The following NHS variants were observed in gnomAD, a reference collection of about 807,000 sequenced individuals.
NHS encodes the protein NHS actin remodeling regulator.
NHS carries 5 observed loss-of-function variants against 72.5 expected under a neutral mutation model. The ratio of observed to expected loss-of-function variants is 0.07; its 90% CI spans 0.04 to 0.14. The LOEUF is 0.14. NHS is among the 10% of genes least tolerant of loss of function. The pLI is 1.00. For synonymous variants in NHS, 464 were observed against 547.7 expected (o/e 0.85, Z 2.13); for missense variants, 1,072 against 1,355.7 (o/e 0.79, Z 3.29).
chrX:17,601,571 T>G (rs2065649643), intron 1 of NHS, among the ~76,000 whole-genome samples: 1 of 111,526 alleles, frequency 9.0e-6, no homozygotes, highest in African/African-American at 3.3e-5. Context: ...AAAACTTATG[T>G]AACTGTTGGA....
rs760998103 is a variant in NHS at position 17,679,862 on chromosome X, G to A, written c.566-7880G>A. On this transcript the variant is annotated intron_variant, in intron 1 of 8. Coordinates refer to ENST00000676302, the MANE Select transcript of NHS (RefSeq NM_001291867.2). ...TATCTTTAACCAGAATGAAGAAAGG[G>A]GGGGGGGGTGTGCGTTTCCACTGCT... Among the ~76,000 whole-genome samples the A allele has an allele frequency of 7.1e-5, 7 of 98,035 alleles. No individual in the cohort carries two copies. The South Asian group carries it at 2.7e-3, about 37-fold the overall frequency. The allele number at this position is 98,035 out of a possible 115,157, so 85.1% of individuals were successfully genotyped here. A position where few individuals can be genotyped will look rare whatever the true frequency, so the allele number is the denominator to read the frequency against.
chrX:17,695,254 A>G (rs1159647557), intron 3 of NHS, among the ~76,000 whole-genome samples: 1 of 112,222 alleles, frequency 8.9e-6, no homozygotes, highest in East Asian at 2.8e-4. Context: ...CAGTGTATGC[A>G]AAGATTTATT....
intron 1 of NHS, among the ~76,000 whole-genome samples, chrX:17,389,288 G>C (rs759421125): frequency 8.9e-6 from 1 of 111,943 alleles, no homozygotes; most frequent in Admixed American, 9.5e-5. Flanking sequence ...AGCAGTATTT[G>C]AACTCTGATA....
rs182848859 is a variant in NHS at position 17,682,155 on chromosome X, C to T, written c.566-5587C>T. Among the ~76,000 whole-genome samples the T allele has an allele frequency of 1.2e-4, 13 of 110,980 alleles. No individual in the cohort carries two copies. The Middle Eastern group carries it at 0.018, about 157-fold the overall frequency. On this transcript the variant is annotated intron_variant, in intron 1 of 8. Transcript: ENST00000676302. ...TGGTTACCGAGGAAGAAAGGGCAGG[C>T]AGGAATAAATGGGTTCACTTGGTGA...
chrX:17,537,848 C>G (rs867983525), intron 1 of NHS, among the ~76,000 whole-genome samples: 20 of 111,695 alleles, frequency 1.8e-4, no homozygotes, highest in African/African-American at 3.9e-4. Flanking sequence ...AGACAATGCC[C>G]GACTGGAGGC....
chrX:17,621,737 GC>G (rs1397374897), intron 1 of NHS, among the ~76,000 whole-genome samples: 2 of 110,667 alleles, frequency 1.8e-5, no homozygotes, highest in African/African-American at 6.6e-5. Flanking sequence ...TAGGAAATGA[GC>G]CCCCCAGGTA....
intron 1 of NHS, among the ~76,000 whole-genome samples, chrX:17,561,328 G>T (rs1026349192): frequency 9.0e-6 from 1 of 111,226 alleles, no homozygotes; most frequent in South Asian, 3.8e-4. Flanking sequence ...ATCCCTACAA[G>T]TCTTGCCCCT....
intron 3 of NHS, among the ~76,000 whole-genome samples, chrX:17,708,331 C>T (rs867277639): frequency 8.1e-5 from 9 of 111,709 alleles, no homozygotes; most frequent in African/African-American, 1.6e-4. Flanking sequence ...ATCCTTTGCA[C>T]GGACCATAGA....
At chrX:17,682,539 G>A (rs776337159) in intron 1 of NHS, among the ~76,000 whole-genome samples, 250 of 111,336 alleles carry the variant, frequency 2.2e-3, no homozygotes, top group African/African-American at 7.6e-3. Flanking sequence ...CTCTGAGAAC[G>A]TTTAAAAATT....
In NHS at chrX:17,732,854, G is replaced by A; in HGVS notation, c.*390G>A. ...GAAGATGAAATTACTCTGGATGTTTGGTATTTTTTTACATTAAAACAAACT... is the reference window on the plus strand; with the variant it reads ...GAAGATGAAATTACTCTGGATGTTTAGTATTTTTTTACATTAAAACAAACT... On this transcript the variant is annotated 3_prime_UTR_variant, in exon 9 of 9. Coordinates refer to ENST00000676302, the MANE Select transcript of NHS (RefSeq NM_001291867.2). 5.6e-6 allele frequency: 1 copy of A among 177,158 alleles called. No individual in the cohort carries two copies. Among genetic ancestry groups the A allele is most frequent in the Non-Finnish European group, 1.1e-5 (1 of 93,771 alleles). 14.6% of individuals were successfully genotyped at this position (177,158 alleles called of 1,213,427 possible). A position where few individuals can be genotyped will look rare whatever the true frequency, so the allele number is the denominator to read the frequency against.
chrX:17,507,241 A>G (rs1248246327), intron 1 of NHS, among the ~76,000 whole-genome samples: 1 of 112,460 alleles, frequency 8.9e-6, no homozygotes, highest in East Asian at 2.8e-4. Flanking sequence ...ATAAATGTAT[A>G]CTTAGTTCAT....
intron 1 of NHS, among the ~76,000 whole-genome samples, chrX:17,622,805 G>A (rs184363824): frequency 3.6e-5 from 4 of 111,824 alleles, no homozygotes; most frequent in East Asian, 2.8e-4. Context: ...GCAATCAGGC[G>A]TGGTTTGAGA....
intron 3 of NHS, among the ~76,000 whole-genome samples, chrX:17,700,441 CAA>C (rs1190315925): frequency 6.1e-5 from 4 of 65,301 alleles, no homozygotes; most frequent in Non-Finnish European, 5.9e-5. Flanking sequence ...GAGACTGTCT[CAA>C]AAAAAAAAAA....
chrX:17,656,597 C>T (rs1407210513), intron 1 of NHS, among the ~76,000 whole-genome samples: 1 of 112,446 alleles, frequency 8.9e-6, no homozygotes, highest in Non-Finnish European at 1.9e-5. Flanking sequence ...GCATAGCTCG[C>T]AGGGGCAAAG....
At chrX:17,636,152 C>T (rs2065845427) in intron 1 of NHS, among the ~76,000 whole-genome samples, 2 of 111,981 alleles carry the variant, frequency 1.8e-5, no homozygotes, top group South Asian at 7.5e-4. Flanking sequence ...CCTGAGATTA[C>T]AGAGAAAGAC....
chrX:17,595,196 G>A (rs1239183483), intron 1 of NHS, among the ~76,000 whole-genome samples: 1 of 111,755 alleles, frequency 8.9e-6, no homozygotes, highest in Non-Finnish European at 1.9e-5. Context: ...CTTGCTGGGT[G>A]CAGATAGCTC....
intron 1 of NHS, among the ~76,000 whole-genome samples, chrX:17,615,413 C>T (rs1028022342): frequency 4.7e-5 from 5 of 105,601 alleles, no homozygotes; most frequent in Admixed American, 1.0e-4. Context: ...ACAACACACT[C>T]GGCTAATTTT....
chrX:17,395,385 T>C (rs780778443), intron 1 of NHS, among the ~76,000 whole-genome samples: 4 of 112,032 alleles, frequency 3.6e-5, no homozygotes, highest in Non-Finnish European at 7.5e-5. Flanking sequence ...TTGCTTAGTT[T>C]TCCCCCAAAA....
chrX:17,422,690 C>T (rs1053144116), intron 1 of NHS, among the ~76,000 whole-genome samples: 3 of 111,997 alleles, frequency 2.7e-5, no homozygotes, highest in Non-Finnish European at 5.6e-5. Context: ...AAATTACCCT[C>T]AGTTGAGAGT....
Sources: gnomAD v4.1 joint callset for allele counts (sites outside exome capture counted in the v4.1 genomes callset) on GRCh38, gnomAD v4.1.1 for gene constraint, MANE v1.5 for transcripts, NCBI Gene and HGNC (gene_info 2026-07-23, HGNC 2026-07-21) for gene names.